NEU3: variants seen among roughly 807,000 people sequenced by gnomAD.
NEU3 encodes sialidase-3.
In NEU3, 10 loss-of-function variants were observed where a neutral mutation model predicts 11.4. That is an observed-to-expected ratio of 0.88 (90% CI 0.54 to 1.49). The LOEUF (loss-of-function observed/expected upper bound fraction) is 1.49. NEU3 is among the 40% of genes most tolerant of loss of function. The pLI is 0.00. For missense variants in NEU3, 529 were observed against 581.8 expected, an observed-to-expected ratio of 0.91 and a Z score of 0.93; for synonymous variants, 212 against 228.2, an observed-to-expected ratio of 0.93 and a Z score of 0.64.
rs748401241 is a variant in NEU3, at chr11:75,005,917, C to A, written c.811C>A (p.Pro271Thr). The stretch of plus-strand genomic sequence containing the variant: ...AGAGGTGACTGGGAGGGCTGGCCAC[C>A]CTGTGCTATATTGCAGTGCCCGGAC... ...VAEVTGRAGH[P>T]VLYCSARTPN... The change falls in exon 3 of 3, where the codon CCT (proline) becomes ACT (threonine). Residue 271 changes from proline (P) to threonine (T), a missense_variant. Pro to Thr is a conservative substitution (Grantham distance 38). Coordinates refer to ENST00000294064, the MANE Select transcript of NEU3 (RefSeq NM_006656.6). 5 of 1,613,624 alleles carry A rather than the reference C, an allele frequency of 3.1e-6. No homozygotes were observed. The South Asian group carries it at 4.4e-5, about 14-fold the overall frequency.
intron 2 of NEU3, among the ~76,000 whole-genome samples, chr11:75,000,167 T>G (rs187976551): frequency 6.6e-6 from 1 of 152,342 alleles, no homozygotes; most frequent in Non-Finnish European, 1.5e-5. Flanking sequence ...TTGACTAATG[T>G]TGAGTAGATG....
intron 2 of NEU3, among the ~76,000 whole-genome samples, chr11:75,004,138 A>T (rs1388341844): frequency 6.6e-6 from 1 of 152,210 alleles, no homozygotes. Flanking sequence ...TGTAATTTTG[A>T]TATATGTCCT....
downstream of NEU3, among the ~76,000 whole-genome samples, chr11:75,011,848 T>TAAG (rs143309338): frequency 0.012 from 1,776 of 152,198 alleles, 13 homozygotes; most frequent in Non-Finnish European, 0.017. Flanking sequence ...TTTTTTTTCC[T>TAAG]AAGTTTGCAT....
At position 74,989,145 on chromosome 11, in the gene NEU3, T is replaced by A. The variant is rs1948703108; in HGVS notation, c.85T>A (p.Ser29Thr). 1 of 1,550,618 alleles carries A rather than the reference T, an allele frequency of 6.4e-7. No homozygotes were observed. Among genetic ancestry groups the A allele is most frequent in the African/African-American group, 1.4e-5 (1 of 72,928 alleles). Residue 29 changes from serine to threonine, a missense_variant, in exon 1 of 3, where the codon TCC (serine) becomes ACC (threonine). Ser to Thr is a moderately conservative substitution (Grantham distance 58, BLOSUM62 1). Coordinates refer to ENST00000294064, the MANE Select transcript of NEU3 (RefSeq NM_006656.6). ...CCCGACAGAGACGGAGGAGCCGGGG[T>A]CCAGTGCAGGTGAGCGGGGTTGGGA... ...SAPTETEEPGSSAEVMEEVTT... is the reference protein window; with the variant it reads ...SAPTETEEPGTSAEVMEEVTT...
rs1392031737 is a variant in NEU3, at chr11:75,006,067, C to T, written c.961C>T (p.Pro321Ser). Residue 321 changes from proline to serine, a missense_variant, in exon 3 of 3, where the codon CCC (proline) becomes TCC (serine). By Grantham distance (74) the Pro-to-Ser change is moderately conservative. Transcript: ENST00000294064. ...CCAAGGGAGTGTGGTAAGTTTCCGGCCCCTGGAGATCCCACATAGGTGCCA... is the reference window on the plus strand; with the variant it reads ...CCAAGGGAGTGTGGTAAGTTTCCGGTCCCTGGAGATCCCACATAGGTGCCA... Reference protein sequence around the residue: ...GCQGSVVSFRPLEIPHRCQDS... With the variant: ...GCQGSVVSFRSLEIPHRCQDS... The T allele has an allele frequency of 1.2e-6, 2 of 1,613,986 alleles. No homozygotes were observed. The highest frequency in any genetic ancestry group is 1.7e-6 in the Non-Finnish European group (2 of 1,179,896).
intron 1 of NEU3, among the ~76,000 whole-genome samples, 170 bp from the exon 2 acceptor site, chr11:74,994,339 T>C (rs867772900): frequency 3.3e-5 from 5 of 152,236 alleles, no homozygotes; most frequent in Non-Finnish European, 1.5e-5. Context: ...AGAATGTATA[T>C]TGCTTGCTTT....
In NEU3 at chr11:75,009,149, C is replaced by T. The variant is rs1472730688; in HGVS notation, c.*2657C>T. The T allele has an allele frequency of 6.6e-6, 1 of 152,180 alleles. No individual in the cohort carries two copies. Among genetic ancestry groups the T allele is most frequent in the Admixed American group, 6.6e-5 (1 of 15,266 alleles). 9.4% of individuals were successfully genotyped at this position (152,180 alleles called of 1,614,324 possible). ...AAAGGAACAGAGTGGGTGATGGCAG[C>T]TATGAAGAAAAAACAGATCAGAAGA... On this transcript the variant is annotated 3_prime_UTR_variant, in exon 3 of 3. Coordinates refer to ENST00000294064, the MANE Select transcript of NEU3 (RefSeq NM_006656.6).
downstream of NEU3, among the ~76,000 whole-genome samples, chr11:75,019,074 A>G (rs1270243723): frequency 6.6e-6 from 1 of 152,252 alleles, no homozygotes; most frequent in Non-Finnish European, 1.5e-5. Flanking sequence ...ATCTGGCAGA[A>G]GAAATTTCTA....
the NEU3 span, among the ~76,000 whole-genome samples, chr11:74,982,414 G>A: frequency 2.0e-4 from 30 of 152,212 alleles, no homozygotes; most frequent in Admixed American, 1.6e-3. Flanking sequence ...GAATGGTCAC[G>A]GCCTTAAATT....
At chr11:75,003,938 AG>A (rs1332577448) in intron 2 of NEU3, among the ~76,000 whole-genome samples, 2 of 152,174 alleles carry the variant, frequency 1.3e-5, no homozygotes, top group African/African-American at 4.8e-5. Flanking sequence ...TATGGAAAAA[AG>A]GTCTTCCCCC....
chr11:74,990,425 C>T (rs1165541039), intron 1 of NEU3, among the ~76,000 whole-genome samples: 1 of 151,972 alleles, frequency 6.6e-6, no homozygotes, highest in Non-Finnish European at 1.5e-5. Context: ...GGTGCAGTCT[C>T]GGCTCACTGC....
At chr11:75,004,383 A>G (rs1446498004) in intron 2 of NEU3, 4 of 582,034 alleles carry the variant, frequency 6.9e-6, no homozygotes, top group South Asian at 2.1e-5. Flanking sequence ...GGATTACAGC[A>G]TGAGCCACTG....
Position 75,006,467 on chromosome 11 carries a change from A to C in NEU3, c.1361A>C (p.Asn454Thr), listed in dbSNP as rs764970067. The C allele has an allele frequency of 2.5e-6, 4 of 1,611,484 alleles. No individual in the cohort carries two copies. In the African/African-American group the frequency reaches 5.3e-5, roughly 22 times the overall value. Residue 454 changes from asparagine (N) to threonine (T), a missense_variant, in exon 3 of 3, where the codon AAC (asparagine) becomes ACC (threonine). Coordinates refer to ENST00000294064, the MANE Select transcript of NEU3 (RefSeq NM_006656.6). ...GGGGACTGCACCAGCCCTGGTAGGAACCCAAGCCAATTCAAAAGCAATTAA... is the reference window on the plus strand; with the variant it reads ...GGGGACTGCACCAGCCCTGGTAGGACCCCAAGCCAATTCAAAAGCAATTAA... ...LQGDCTSPGR[N>T]PSQFKSN
At chr11:75,012,509 C>CTAG (rs1255335967), downstream of NEU3, among the ~76,000 whole-genome samples, 2 of 152,200 alleles carry the variant, frequency 1.3e-5, no homozygotes, top group African/African-American at 4.8e-5. Flanking sequence ...CACACAGGAT[C>CTAG]TAGATCGACT....
At chr11:75,011,928 T>C (rs1948958372), downstream of NEU3, among the ~76,000 whole-genome samples, 1 of 152,090 alleles carries the variant, frequency 6.6e-6, no homozygotes, top group African/African-American at 2.4e-5. Context: ...CTGGCTTGGG[T>C]GTTACAGCTA....
chr11:74,995,729 T>C (rs1261922464), intron 2 of NEU3, among the ~76,000 whole-genome samples: 2 of 152,158 alleles, frequency 1.3e-5, no homozygotes, highest in Admixed American at 6.5e-5. Context: ...CTGGAGTGGG[T>C]CTTGCCCTGA....
At chr11:74,992,390 A>G (rs1349226188) in intron 1 of NEU3, among the ~76,000 whole-genome samples, 2 of 152,186 alleles carry the variant, frequency 1.3e-5, no homozygotes, top group East Asian at 3.8e-4. Context: ...CTCAGCATCT[A>G]TTTTAGGGCC....
intron 2 of NEU3, 166 bp downstream of exon 2, chr11:74,994,886 G>C (rs1948772696): frequency 4.2e-6 from 3 of 721,926 alleles, no homozygotes; most frequent in Non-Finnish European, 7.5e-6. Flanking sequence ...CTTATTGTGT[G>C]CCAGGGGCAC....
At chr11:74,994,889 A>C in intron 2 of NEU3, 169 bp downstream of exon 2, 2 of 719,204 alleles carry the variant, frequency 2.8e-6, no homozygotes, top group South Asian at 1.5e-5. Context: ...ATTGTGTGCC[A>C]GGGGCACATT....
Sources: gnomAD v4.1 joint callset for allele counts (sites outside exome capture counted in the v4.1 genomes callset) on GRCh38, gnomAD v4.1.1 for gene constraint, MANE v1.5 for transcripts, NCBI Gene and HGNC (gene_info 2026-07-23, HGNC 2026-07-21) for gene names.